RYR3: variants seen among roughly 807,000 people sequenced by gnomAD.
The protein encoded by RYR3 is ryanodine receptor 3.
In RYR3, 207 loss-of-function variants were observed where a neutral mutation model predicts 584.3. The ratio of observed to expected loss-of-function variants is 0.35; its 90% confidence interval spans 0.32 to 0.40. RYR3 has a LOEUF of 0.40. Ranked by LOEUF, RYR3 falls within the 10% of genes least tolerant of loss-of-function variation. The pLI is 1.00. For missense variants in RYR3, 5,616 were observed against 6,089.2 expected (o/e 0.92, Z 2.59); for synonymous variants, 2,416 against 2,248.5 (o/e 1.07, Z -2.11).
intron 17 of RYR3, among the ~76,000 whole-genome samples, chr15:33,602,686 A>G (rs562946211): frequency 2.3e-4 from 35 of 149,952 alleles, no homozygotes; most frequent in Non-Finnish European, 4.1e-4. Flanking sequence ...CTCTTGCATC[A>G]CACTAAGAAC....
intron 102 of RYR3, among the ~76,000 whole-genome samples, chr15:33,862,122 A>T (rs1888470543): frequency 6.6e-6 from 1 of 152,054 alleles, no homozygotes; most frequent in African/African-American, 2.4e-5. Context: ...AGACCCTGTA[A>T]CTGTTCATTT....
intron 58 of RYR3, among the ~76,000 whole-genome samples, chr15:33,755,878 TC>T (rs1737510392): frequency 6.6e-6 from 1 of 151,942 alleles, no homozygotes; most frequent in Admixed American, 6.6e-5. Context: ...CAAGCAATTC[TC>T]CTGCCTCAGC....
intron 43 of RYR3, 127 bp from the exon 44 acceptor site, chr15:33,722,587 CT>C (rs2152807995): frequency 2.3e-6 from 2 of 855,090 alleles, no homozygotes; most frequent in Admixed American, 4.8e-5. Flanking sequence ...GCCCACTTGA[CT>C]GGCCTAAACC....
chr15:33,413,513 T>C (rs2043558901), intron 1 of RYR3, among the ~76,000 whole-genome samples: 1 of 152,224 alleles, frequency 6.6e-6, no homozygotes. Flanking sequence ...GTCAAGGAGA[T>C]ATCACTGTTC....
chr15:33,854,305 G>GA (rs1397330884), intron 96 of RYR3, 84 bp from the exon 97 acceptor site: 8 of 1,152,536 alleles, frequency 6.9e-6, no homozygotes, highest in South Asian at 2.9e-5. Context: ...AAACCTGAGA[G>GA]AAAAAACTTA....
At chr15:33,541,997 T>C (rs573933658) in intron 7 of RYR3, among the ~76,000 whole-genome samples, 5 of 152,266 alleles carry the variant, frequency 3.3e-5, no homozygotes, top group South Asian at 4.1e-4. Context: ...ATAAAATTAT[T>C]TCCTGGTCCC....
intron 19 of RYR3, among the ~76,000 whole-genome samples, chr15:33,617,626 G>A (rs1385072800): frequency 6.6e-6 from 1 of 152,034 alleles, no homozygotes; most frequent in Non-Finnish European, 1.5e-5. Context: ...TTAGACTTGA[G>A]TTCTCTTTCA....
intron 48 of RYR3, among the ~76,000 whole-genome samples, chr15:33,733,388 A>C (rs942982938): frequency 6.6e-6 from 1 of 152,236 alleles, no homozygotes; most frequent in Non-Finnish European, 1.5e-5. Context: ...AAACTGTGGT[A>C]CATCAGACCA....
chr15:33,546,149 G>A (rs138666017), intron 8 of RYR3, among the ~76,000 whole-genome samples: 5 of 152,232 alleles, frequency 3.3e-5, no homozygotes, highest in Middle Eastern at 3.4e-3. Context: ...GGAGCAAGCC[G>A]CCCAAATGTC....
intron 98 of RYR3, among the ~76,000 whole-genome samples, chr15:33,857,007 C>G (rs1245818398): frequency 6.6e-6 from 1 of 152,240 alleles, no homozygotes; most frequent in South Asian, 2.1e-4. Flanking sequence ...ATTGTGAAGC[C>G]TCAGGTAACA....
At chr15:33,861,854 A>G (rs549356527) in intron 102 of RYR3, among the ~76,000 whole-genome samples, 54 of 152,060 alleles carry the variant, frequency 3.6e-4, no homozygotes, top group African/African-American at 1.2e-3. Context: ...TGAACTCCTG[A>G]CCTCAGGTGA....
chr15:33,738,447 C>A lies in RYR3; in HGVS notation c.7516-3C>A. ...CTGGTCTGTCCTGTTCTGCACCTCCCAGCTTCTGACGAATCACTATGAACA... is the reference window on the plus strand; with the variant it reads ...CTGGTCTGTCCTGTTCTGCACCTCCAAGCTTCTGACGAATCACTATGAACA... On this transcript the variant is annotated splice_polypyrimidine_tract_variant and splice_region_variant and intron_variant, in intron 49 of 103. Transcript: ENST00000634891. 1 of 1,611,842 alleles carries A rather than the reference C, an allele frequency of 6.2e-7. No homozygotes were observed. Among genetic ancestry groups the A allele is most frequent in the East Asian group, 2.2e-5 (1 of 44,850 alleles).
At chr15:33,395,587 A>C (rs2042248625) in intron 1 of RYR3, among the ~76,000 whole-genome samples, 1 of 152,200 alleles carries the variant, frequency 6.6e-6, no homozygotes. Flanking sequence ...AGTGACTGAC[A>C]GCCTTCCCGT....
chr15:33,826,579 C>T, intron 83 of RYR3, 93 bp from the exon 84 acceptor site: 1 of 1,131,812 alleles, frequency 8.8e-7, no homozygotes, highest in South Asian at 1.2e-5. Flanking sequence ...CATTCTGACA[C>T]AACTCCTTTA....
At chr15:33,844,045 G>T (rs2078553856) in intron 92 of RYR3, among the ~76,000 whole-genome samples, 2 of 152,198 alleles carry the variant, frequency 1.3e-5, no homozygotes. Context: ...AGTGGGTCTT[G>T]CATGCTGTAG....
At chr15:33,518,413 G>GT (rs963481368) in intron 3 of RYR3, among the ~76,000 whole-genome samples, 9 of 151,780 alleles carry the variant, frequency 5.9e-5, no homozygotes, top group South Asian at 2.1e-4. Context: ...TTGTGGAGTT[G>GT]TTTTTTTTCA....
chr15:33,341,757 A>T (rs1287570349), intron 1 of RYR3, among the ~76,000 whole-genome samples: 1 of 152,096 alleles, frequency 6.6e-6, no homozygotes, highest in African/African-American at 2.4e-5. Context: ...TATGAACTTT[A>T]CTTCCCTCAA....
intron 16 of RYR3, among the ~76,000 whole-genome samples, chr15:33,588,306 C>G (rs1305903792): frequency 6.6e-6 from 1 of 152,188 alleles, no homozygotes; most frequent in East Asian, 1.9e-4. Flanking sequence ...GTTGAATATT[C>G]TTTCCAGTGT....
At chr15:33,600,305 C>CAGA (rs2059594550) in intron 16 of RYR3, among the ~76,000 whole-genome samples, 1 of 152,100 alleles carries the variant, frequency 6.6e-6, no homozygotes, top group Non-Finnish European at 1.5e-5. Context: ...ATTGAGTCTT[C>CAGA]AGTGGCCACT....
Sources: gnomAD v4.1 joint callset for allele counts (sites outside exome capture counted in the v4.1 genomes callset) on GRCh38, gnomAD v4.1.1 for gene constraint, MANE v1.5 for transcripts, NCBI Gene and HGNC (gene_info 2026-07-23, HGNC 2026-07-21) for gene names.